Variants in ARHGEF7 observed in about 807,000 individuals in gnomAD.
The protein encoded by ARHGEF7 is PAK-interacting exchange factor beta.
Under a neutral mutation model 109.8 loss-of-function variants are expected in ARHGEF7, and 33 were observed. The observed-to-expected ratio is 0.30, with a 90% CI of 0.23 to 0.40. ARHGEF7 has a LOEUF of 0.40. Ranked by LOEUF, ARHGEF7 falls within the 10% of genes least tolerant of loss-of-function variation. The pLI, the probability that ARHGEF7 is intolerant of heterozygous loss-of-function variation, is 1.00. For missense variants in ARHGEF7, 938 were observed against 1,098.5 expected (o/e 0.85, Z 2.07); for synonymous variants, 458 against 424.6 (o/e 1.08, Z -0.97).
intron 3 of ARHGEF7, among the ~76,000 whole-genome samples, chr13:111,206,273 C>T (rs1405196722): frequency 6.7e-6 from 1 of 150,260 alleles, no homozygotes. Flanking sequence ...TGAGGAGAGA[C>T]GGGGGTTATG....
intron 8 of ARHGEF7, chr13:111,265,673 G>A (rs1444477732): frequency 2.2e-6 from 1 of 456,570 alleles, no homozygotes; most frequent in Non-Finnish European, 4.4e-6. Context: ...CAGATCATCT[G>A]TTACTACAGA....
chr13:111,189,307 G>T (rs1381871808), intron 2 of ARHGEF7, among the ~76,000 whole-genome samples: 1 of 152,186 alleles, frequency 6.6e-6, no homozygotes, highest in Non-Finnish European at 1.5e-5. Context: ...AGTTATTAAA[G>T]ATGGTGTGTC....
At chr13:111,250,883 A>G (rs7324253) in intron 8 of ARHGEF7, among the ~76,000 whole-genome samples, 136,530 of 152,196 alleles carry the variant, frequency 0.9, 61,285 homozygotes, top group Admixed American at 0.93. Context: ...GGATGGGAGC[A>G]GAGTTTCTAG....
intron 2 of ARHGEF7, among the ~76,000 whole-genome samples, chr13:111,178,959 T>C (rs186330515): frequency 5.6e-4 from 84 of 149,688 alleles, no homozygotes; most frequent in African/African-American, 1.9e-3. Context: ...TAATGTGCCG[T>C]CCCCCCCCTT....
rs1002238992 is a variant in ARHGEF7, at chr13:111,273,220, A to G, written c.1074-594A>G. Reference sequence around the variant, plus strand: ...ACCCCTTTCTTCCTCACGTATTGTGAGGATTAAACTTAAAGCTTTTGAAGT... The same window carrying G: ...ACCCCTTTCTTCCTCACGTATTGTGGGGATTAAACTTAAAGCTTTTGAAGT... On this transcript the variant is annotated intron_variant, in intron 9 of 21. Transcript: ENST00000646102. This position sits in a 1 kb window ranked among gnomAD's most constrained non-coding sequence, Gnocchi z 4.5. Among the ~76,000 whole-genome samples, 1 of 152,090 alleles carries G rather than the reference A, an allele frequency of 6.6e-6. No homozygotes were observed. Among genetic ancestry groups the G allele is most frequent in the Non-Finnish European group, 1.5e-5 (1 of 68,014 alleles).
intron 6 of ARHGEF7, among the ~76,000 whole-genome samples, chr13:111,240,634 C>G (rs1055327658): frequency 6.6e-6 from 1 of 152,146 alleles, no homozygotes; most frequent in African/African-American, 2.4e-5. Flanking sequence ...TGAAAATTTA[C>G]TTGAAGTGTA....
chr13:111,122,230 G>A (rs1371727868), intron 1 of ARHGEF7, among the ~76,000 whole-genome samples: 4 of 152,162 alleles, frequency 2.6e-5, no homozygotes, highest in Non-Finnish European at 5.9e-5. Flanking sequence ...GTTGGGGAGC[G>A]GGAGGGCTGA....
intron 1 of ARHGEF7, among the ~76,000 whole-genome samples, chr13:111,133,958 C>A (rs1263142749): frequency 2.0e-5 from 3 of 151,034 alleles, no homozygotes; most frequent in Non-Finnish European, 2.9e-5. Flanking sequence ...CCTCCTCCCC[C>A]CACCCCACAA....
chr13:111,229,440 A>G (rs1387994207), intron 5 of ARHGEF7, among the ~76,000 whole-genome samples: 2 of 152,190 alleles, frequency 1.3e-5, no homozygotes, highest in East Asian at 3.8e-4. Flanking sequence ...ATTTATTTGT[A>G]GAAGTTTTGC....
intron 1 of ARHGEF7, among the ~76,000 whole-genome samples, chr13:111,133,700 G>A (rs1462372294): frequency 6.9e-6 from 1 of 144,020 alleles, no homozygotes; most frequent in Non-Finnish European, 1.5e-5. Context: ...ATTGAGTGCT[G>A]GACACCACCC....
At chr13:111,174,053 G>C (rs74472849) in intron 2 of ARHGEF7, among the ~76,000 whole-genome samples, 2,833 of 152,268 alleles carry the variant, frequency 0.019, 48 homozygotes, top group Middle Eastern at 0.048. Context: ...CCCTCCCCCT[G>C]TACTATTCGG....
At position 111,273,978 on chromosome 13, in the gene ARHGEF7, GGA is replaced by G. The variant is rs778324204; in HGVS notation, c.1212+28_1212+29del. On this transcript the variant is annotated intron_variant, in intron 10 of 21. Transcript: ENST00000646102. The surrounding 1 kb of genome is among the most constrained non-coding windows in gnomAD (Gnocchi z 4.5). ...GTACTGCGCTTTCATTCTCTTACTT[GGA>G]GTCCTTACCAAGGGTTAGTGGCATG... The G allele has an allele frequency of 1.2e-6, 2 of 1,610,948 alleles. No individual in the cohort carries two copies. Among genetic ancestry groups the G allele is most frequent in the South Asian group, 2.2e-5 (2 of 90,954 alleles).
At chr13:111,278,266 G>GATGCACTTGGCATCTA (rs2092600302) in intron 13 of ARHGEF7, among the ~76,000 whole-genome samples, 1 of 152,132 alleles carries the variant, frequency 6.6e-6, no homozygotes, top group South Asian at 2.1e-4. Context: ...ATATGAAGGA[G>GATGCACTTGGCATCTA]CTGGTATTTT....
At chr13:111,300,908 C>CCAGA in intron 20 of ARHGEF7, 61 bp downstream of exon 20, 1 of 1,057,754 alleles carries the variant, frequency 9.5e-7, no homozygotes, top group African/African-American at 1.6e-5. Flanking sequence ...GTAGTAGAGT[C>CCAGA]CAGACAACTC....
intron 8 of ARHGEF7, 111 bp from the exon 9 acceptor site, chr13:111,267,437 G>C (rs2091752661): frequency 2.1e-6 from 3 of 1,415,378 alleles, no homozygotes; most frequent in Non-Finnish European, 9.6e-7. Context: ...GGTTTTCACA[G>C]ATGGGTGCAG....
chr13:111,301,883 C>G (rs1306713471), intron 21 of ARHGEF7, among the ~76,000 whole-genome samples: 2 of 152,172 alleles, frequency 1.3e-5, no homozygotes, highest in African/African-American at 2.4e-5. Flanking sequence ...CAGAGCAAGA[C>G]TCCGTCTCAA....
chr13:111,256,445 A>T (rs1334831864), intron 8 of ARHGEF7, among the ~76,000 whole-genome samples: 1 of 152,198 alleles, frequency 6.6e-6, no homozygotes, highest in Non-Finnish European at 1.5e-5. Context: ...TTGATGCAGT[A>T]TGGGCTCCAC....
At chr13:111,249,497 T>C (rs1208094167) in intron 8 of ARHGEF7, among the ~76,000 whole-genome samples, 1 of 151,926 alleles carries the variant, frequency 6.6e-6, no homozygotes, top group Non-Finnish European at 1.5e-5. Flanking sequence ...TTAAACATTG[T>C]TGTGAGCCTC....
At chr13:111,230,904 G>T (rs1366718329) in intron 5 of ARHGEF7, among the ~76,000 whole-genome samples, 1 of 152,146 alleles carries the variant, frequency 6.6e-6, no homozygotes, top group African/African-American at 2.4e-5. Context: ...TGTAATGTTA[G>T]TAACCTGAAG....
Sources: gnomAD v4.1 joint callset for allele counts (sites outside exome capture counted in the v4.1 genomes callset) on GRCh38, gnomAD v4.1.1 for gene constraint, Gnocchi (gnomAD v3.1) non-coding constraint, MANE v1.5 for transcripts, NCBI Gene and HGNC (gene_info 2026-07-23, HGNC 2026-07-21) for gene names.